ACTA2: variants seen among roughly 807,000 people sequenced by gnomAD.
ACTA2 encodes actin, aortic smooth muscle.
A neutral mutation model predicts 39.5 loss-of-function variants in ACTA2; 12 were observed. The ratio of observed to expected loss-of-function variants is 0.30; its 90% CI spans 0.19 to 0.49. The LOEUF (loss-of-function observed/expected upper bound fraction) is 0.49, where lower values mean the gene tolerates loss of function less well. Among genes scored for constraint, ACTA2 ranks in the 20% least tolerant of loss-of-function variants. ACTA2 has a pLI of 0.99. For missense variants in ACTA2, 236 were observed against 498.8 expected, an observed-to-expected ratio of 0.47 and a Z score of 5.02; for synonymous variants, 158 against 180.6, an observed-to-expected ratio of 0.88 and a Z score of 1.00.
At chr10:88,988,240 C>G (rs1180667583) in intron 1 of ACTA2, among the ~76,000 whole-genome samples, 1 of 152,016 alleles carries the variant, frequency 6.6e-6, no homozygotes, top group Non-Finnish European at 1.5e-5. Flanking sequence ...GTACTATTAC[C>G]AGAAGGAAGA....
At chr10:88,958,517 C>A (rs1036549102) in intron 1 of ACTA2, among the ~76,000 whole-genome samples, 1 of 152,140 alleles carries the variant, frequency 6.6e-6, no homozygotes, top group Non-Finnish European at 1.5e-5. Context: ...AAACCCAGAC[C>A]CATCTGACAC....
chr10:88,978,547 A>C (rs1375400452), intron 1 of ACTA2, among the ~76,000 whole-genome samples: 5 of 152,162 alleles, frequency 3.3e-5, no homozygotes, highest in Non-Finnish European at 5.9e-5. Flanking sequence ...ACCTGTTGGA[A>C]AGTGGTAAGA....
intron 1 of ACTA2, among the ~76,000 whole-genome samples, chr10:88,988,416 G>GA (rs1846974761): frequency 1.6e-4 from 2 of 12,482 alleles, no homozygotes; most frequent in Non-Finnish European, 2.5e-4. Flanking sequence ...AGATGTAGAA[G>GA]TTTTTTTTTT....
chr10:88,941,195 C>G (rs757491338), intron 6 of ACTA2, 34 bp downstream of exon 6: 2 of 1,613,002 alleles, frequency 1.2e-6, no homozygotes, highest in East Asian at 2.2e-5. Flanking sequence ...CAACACACTG[C>G]TCCCCTCTCC....
Position 88,948,862 on chromosome 10 carries a change from A to C in ACTA2, c.69T>G (p.Phe23Leu), listed in dbSNP as rs759122203. Residue 23 changes from phenylalanine (F) to leucine (L), a missense_variant, in exon 2 of 9, where the codon TTT (phenylalanine) becomes TTG (leucine). Coordinates refer to ENST00000224784, the MANE Select transcript of ACTA2 (RefSeq NM_001613.4). ...DNGSGLCKAG[F>L]AGDDAPRAVF... ...CAGCCCTGGGAGCATCGTCCCCAGC[A>C]AAGCCGGCCTTACAGAGCCCAGAGC... 1 of 1,614,016 alleles carries C rather than the reference A, an allele frequency of 6.2e-7. No individual in the cohort carries two copies. The highest frequency in any genetic ancestry group is 8.5e-7 in the Non-Finnish European group (1 of 1,179,932).
intron 1 of ACTA2, among the ~76,000 whole-genome samples, chr10:88,959,244 GT>G (rs1228272919): frequency 6.6e-6 from 1 of 152,168 alleles, no homozygotes; most frequent in Non-Finnish European, 1.5e-5. Flanking sequence ...GGAGTAATAA[GT>G]TTTAAATTTG....
At chr10:88,935,521 G>A (rs772860893) in intron 8 of ACTA2, 155 bp from the exon 9 acceptor site, 27 of 824,890 alleles carry the variant, frequency 3.3e-5, no homozygotes, top group Non-Finnish European at 4.7e-5. Flanking sequence ...TCCTAATTGT[G>A]TCATGTTCTT....
intron 1 of ACTA2, among the ~76,000 whole-genome samples, chr10:88,968,485 C>G (rs567155576): frequency 6.6e-6 from 1 of 152,126 alleles, no homozygotes; most frequent in Non-Finnish European, 1.5e-5. Flanking sequence ...GTTGGTAACA[C>G]GGGCACTCTG....
intron 1 of ACTA2, among the ~76,000 whole-genome samples, chr10:88,979,882 C>CTACAAAGTATATACAAAGTATA (rs1846667470): frequency 1.3e-5 from 2 of 151,474 alleles, no homozygotes; most frequent in East Asian, 3.9e-4. Context: ...TGTAAAGCAC[C>CTACAAAGTATATACAAAGTATA]TACAAAGGCT....
At chr10:88,973,213 G>T in intron 1 of ACTA2, 1 of 1,612,104 alleles carries the variant, frequency 6.2e-7, no homozygotes, top group Non-Finnish European at 8.5e-7. Context: ...ATAATTTCTG[G>T]CACTGCTTTG....
At chr10:88,973,324 A>T in intron 1 of ACTA2, 1 of 1,566,422 alleles carries the variant, frequency 6.4e-7, no homozygotes, top group Non-Finnish European at 8.6e-7. Flanking sequence ...GAGAGACAAG[A>T]AGTGGAATGG....
intron 1 of ACTA2, among the ~76,000 whole-genome samples, chr10:88,988,974 G>A (rs1208778338): frequency 2.0e-5 from 3 of 152,208 alleles, no homozygotes; most frequent in Non-Finnish European, 4.4e-5. Context: ...TTAGACGTAC[G>A]TGGGCAGAGG....
intron 1 of ACTA2, chr10:88,975,140 T>G (rs180898607): frequency 1.7e-4 from 24 of 141,040 alleles, no homozygotes; most frequent in Admixed American, 7.8e-4. Flanking sequence ...GAAACCAGAA[T>G]GCTGTCAACG....
intron 1 of ACTA2, among the ~76,000 whole-genome samples, chr10:88,962,737 C>T (rs1846246552): frequency 6.6e-6 from 1 of 151,652 alleles, no homozygotes; most frequent in Non-Finnish European, 1.5e-5. Context: ...ACTCTGTTCT[C>T]ATGCTGCTAA....
At chr10:88,935,494 G>T in intron 8 of ACTA2, 128 bp from the exon 9 acceptor site, 1 of 1,038,076 alleles carries the variant, frequency 9.6e-7, no homozygotes, top group Non-Finnish European at 1.5e-6. Flanking sequence ...AGGCTTGTCT[G>T]TTAGATGCCA....
chr10:88,964,189 C>G (rs1035151823), intron 1 of ACTA2, among the ~76,000 whole-genome samples: 2 of 151,982 alleles, frequency 1.3e-5, no homozygotes, highest in Non-Finnish European at 2.9e-5. Flanking sequence ...AAAGAATTCT[C>G]TCTCTATTCT....
At chr10:88,969,730 T>A (rs1846390711) in intron 1 of ACTA2, among the ~76,000 whole-genome samples, 1 of 152,230 alleles carries the variant, frequency 6.6e-6, no homozygotes, top group Non-Finnish European at 1.5e-5. Flanking sequence ...TCCTTCATAG[T>A]ACTTACTGTA....
chr10:88,961,162 T>A (rs1589408688), intron 1 of ACTA2, among the ~76,000 whole-genome samples: 1 of 152,178 alleles, frequency 6.6e-6, no homozygotes, highest in African/African-American at 2.4e-5. Flanking sequence ...TGTGAAAATA[T>A]AAGTAGCACT....
intron 3 of ACTA2, 185 bp downstream of exon 3, chr10:88,947,073 A>G: frequency 3.9e-6 from 3 of 777,420 alleles, no homozygotes; most frequent in Non-Finnish European, 6.0e-6. Flanking sequence ...ACATGAACTC[A>G]TCATTTTTTA....
Sources: gnomAD v4.1 joint callset for allele counts (sites outside exome capture counted in the v4.1 genomes callset) on GRCh38, gnomAD v4.1.1 for gene constraint, MANE v1.5 for transcripts, NCBI Gene and HGNC (gene_info 2026-07-23, HGNC 2026-07-21) for gene names.